KHDRBS2: variants seen among roughly 807,000 people sequenced by gnomAD.
The protein encoded by KHDRBS2 is KH domain-containing, RNA-binding, signal transduction-associated protein 2.
KHDRBS2 carries 26 observed loss-of-function variants against 44.3 expected under a neutral mutation model. That is an observed-to-expected ratio of 0.59 (90% CI 0.43 to 0.81). The LOEUF is 0.81. KHDRBS2 is among the 40% of genes least tolerant of loss of function. The pLI, the probability that KHDRBS2 is intolerant of heterozygous loss-of-function variation, is 0.00. For missense variants in KHDRBS2, 476 were observed against 433.1 expected (o/e 1.10, Z -0.88); for synonymous variants, 194 against 151.1 (o/e 1.28, Z -2.08).
intron 7 of KHDRBS2, among the ~76,000 whole-genome samples, chr6:61,708,657 G>A (rs1332888670): frequency 1.3e-5 from 2 of 151,548 alleles, no homozygotes; most frequent in African/African-American, 2.4e-5. Context: ...ATAACTTTTT[G>A]TCTTCCAAAA....
intron 4 of KHDRBS2, among the ~76,000 whole-genome samples, chr6:61,948,726 T>C (rs1306135883): frequency 6.6e-6 from 1 of 150,866 alleles, no homozygotes; most frequent in Non-Finnish European, 1.5e-5. Flanking sequence ...TTGCCCAGGC[T>C]GGTCTTGAAC....
At chr6:62,059,314 G>C (rs9454122) in intron 2 of KHDRBS2, among the ~76,000 whole-genome samples, 1 of 129,610 alleles carries the variant, frequency 7.7e-6, no homozygotes, top group South Asian at 2.5e-4. Flanking sequence ...TTCCAAAAAA[G>C]AAAAAACATA....
chr6:62,050,476 A>G (rs1279190643), intron 2 of KHDRBS2, among the ~76,000 whole-genome samples: 1 of 151,858 alleles, frequency 6.6e-6, no homozygotes, highest in African/African-American at 2.4e-5. Flanking sequence ...TGATGCAAAC[A>G]CTCATTAAAA....
rs573991222 is a variant in KHDRBS2 at position 62,267,613 on chromosome 6, T to A, written c.91+18245A>T. Among the ~76,000 whole-genome samples, 3 of 152,176 alleles carry A rather than the reference T, an allele frequency of 2.0e-5. No individual in the cohort carries two copies. The South Asian group carries it at 6.2e-4, about 32-fold the overall frequency. Reference sequence around the variant, plus strand: ...GTGGAGCACGTAAGCAAATTGTATTTATTTTTTGTTTGTAACTGGGAGTCA... The same window carrying A: ...GTGGAGCACGTAAGCAAATTGTATTAATTTTTTGTTTGTAACTGGGAGTCA... On this transcript the variant is annotated intron_variant, in intron 1 of 8. Coordinates refer to ENST00000281156, the MANE Select transcript of KHDRBS2 (RefSeq NM_152688.4).
rs867340550 is a variant in KHDRBS2 at position 61,686,760 on chromosome 6, T to A, written c.953-5700A>T. On this transcript the variant is annotated intron_variant, in intron 8 of 8. Coordinates refer to ENST00000281156, the MANE Select transcript of KHDRBS2 (RefSeq NM_152688.4). Reference sequence around the variant, plus strand: ...ATTTTTGTCTCTAAATGTCTCACTATCTATTCACCAACCCTTTCTCTTTTT... The same window carrying A: ...ATTTTTGTCTCTAAATGTCTCACTAACTATTCACCAACCCTTTCTCTTTTT... Among the ~76,000 whole-genome samples the A allele has an allele frequency of 3.9e-4, 59 of 151,720 alleles. No individual in the cohort carries two copies. The Middle Eastern group carries it at 0.021, about 53-fold the overall frequency.
intron 1 of KHDRBS2, among the ~76,000 whole-genome samples, chr6:62,227,079 G>A (rs1241620002): frequency 1.3e-5 from 2 of 152,052 alleles, no homozygotes; most frequent in Non-Finnish European, 1.5e-5. Context: ...TTAGTTTGAT[G>A]GGAACAGCAC....
intron 8 of KHDRBS2, among the ~76,000 whole-genome samples, chr6:61,694,712 T>G (rs530729971): frequency 6.6e-6 from 1 of 152,330 alleles, no homozygotes; most frequent in South Asian, 2.1e-4. Flanking sequence ...ATTTGGATGC[T>G]AGTGTTTTTA....
intron 6 of KHDRBS2, among the ~76,000 whole-genome samples, chr6:61,817,861 A>T (rs1433091807): frequency 6.6e-6 from 1 of 152,108 alleles, no homozygotes; most frequent in Non-Finnish European, 1.5e-5. Flanking sequence ...TAAATTGAAC[A>T]GGAAATAAAT....
the KHDRBS2 span, among the ~76,000 whole-genome samples, chr6:61,663,177 A>G: frequency 2.1e-5 from 3 of 142,098 alleles, no homozygotes; most frequent in South Asian, 2.3e-4. Flanking sequence ...GCGTGTTCTC[A>G]CTCATAGGTG....
At chr6:62,116,940 G>A (rs1806386416) in intron 2 of KHDRBS2, among the ~76,000 whole-genome samples, 1 of 151,960 alleles carries the variant, frequency 6.6e-6, no homozygotes. Flanking sequence ...TTTCTTTATG[G>A]CTGAATAACA....
chr6:61,743,627 TTTTTAA>T (rs1467164209), intron 6 of KHDRBS2, among the ~76,000 whole-genome samples: 2 of 152,224 alleles, frequency 1.3e-5, no homozygotes, highest in African/African-American at 2.4e-5. Flanking sequence ...TTATTTTATT[TTTTTAA>T]TTTTATTATT....
intron 6 of KHDRBS2, among the ~76,000 whole-genome samples, chr6:61,783,154 C>T (rs921624687): frequency 2.6e-5 from 4 of 152,058 alleles, no homozygotes; most frequent in Non-Finnish European, 5.9e-5. Context: ...ATGCACATCA[C>T]TTTCTTAGAA....
intron 3 of KHDRBS2, among the ~76,000 whole-genome samples, chr6:62,003,666 C>CTTCCT (rs1338461088): frequency 1.3e-5 from 2 of 152,208 alleles, no homozygotes; most frequent in East Asian, 3.9e-4. Context: ...CCAAGCAGAC[C>CTTCCT]TAATAGACAT....
intron 6 of KHDRBS2, among the ~76,000 whole-genome samples, chr6:61,774,305 C>T (rs545177954): frequency 6.6e-6 from 1 of 152,136 alleles, no homozygotes; most frequent in South Asian, 2.1e-4. Context: ...CTGTTTGTAT[C>T]CTCTTTTATT....
chr6:61,967,863 C>CACACATACACACAA (rs1770408022), intron 4 of KHDRBS2, among the ~76,000 whole-genome samples: 1 of 18,582 alleles, frequency 5.4e-5, no homozygotes, highest in South Asian at 2.5e-3. Context: ...CATACATACA[C>CACACATACACACAA]ACATACACAC....
chr6:61,836,474 G>A (rs1237733489), intron 6 of KHDRBS2, among the ~76,000 whole-genome samples: 1 of 151,976 alleles, frequency 6.6e-6, no homozygotes. Flanking sequence ...AATTTTTCAT[G>A]TTTTATTATC....
chr6:61,846,311 A>G (rs556555575), intron 6 of KHDRBS2, among the ~76,000 whole-genome samples: 1 of 152,352 alleles, frequency 6.6e-6, no homozygotes, highest in East Asian at 1.9e-4. Flanking sequence ...GGAATATTCT[A>G]TATGTAAATG....
intron 1 of KHDRBS2, among the ~76,000 whole-genome samples, chr6:62,236,508 G>A (rs1171707379): frequency 2.6e-5 from 4 of 151,682 alleles, no homozygotes; most frequent in Admixed American, 1.3e-4. Context: ...TGAGAATGGG[G>A]AGCATCAAGA....
chr6:61,707,971 A>G (rs1236902493), intron 7 of KHDRBS2, among the ~76,000 whole-genome samples: 1 of 151,812 alleles, frequency 6.6e-6, no homozygotes, highest in Non-Finnish European at 1.5e-5. Flanking sequence ...ATTGGAATGG[A>G]CAAGCTATTT....
Sources: gnomAD v4.1 joint callset for allele counts (sites outside exome capture counted in the v4.1 genomes callset) on GRCh38, gnomAD v4.1.1 for gene constraint, MANE v1.5 for transcripts, NCBI Gene and HGNC (gene_info 2026-07-23, HGNC 2026-07-21) for gene names.